The following ERMP1 variants were observed in gnomAD, a reference collection of about 807,000 sequenced individuals.
ERMP1 encodes endoplasmic reticulum metallopeptidase 1.
In ERMP1, 86 loss-of-function variants were observed where a neutral mutation model predicts 92.0. That is an observed-to-expected ratio of 0.93 (90% CI 0.79 to 1.12). The LOEUF is 1.12. Ranked by LOEUF, ERMP1 falls within the 50% of genes most tolerant of loss-of-function variation. ERMP1 has a pLI of 0.00. For missense variants in ERMP1, 1,342 were observed against 1,116.3 expected, an observed-to-expected ratio of 1.20 and a Z score of -2.88; for synonymous variants, 530 against 412.8, an observed-to-expected ratio of 1.28 and a Z score of -3.44.
In ERMP1 at chr9:5,832,953, G is replaced by C; in HGVS notation, c.75C>G (p.Ala25=). 6.4e-7 allele frequency: 1 copy of C among 1,562,344 alleles called. No individual in the cohort carries two copies. The highest frequency in any genetic ancestry group is 1.7e-4 in the Middle Eastern group (1 of 5,952). Residue 25 remains alanine, a synonymous_variant, in exon 1 of 15, where the codon GCC becomes GCG. Transcript: ENST00000339450. ...VGVERREGAA[A]APPPEREARA... ...GGGCCTCCCTCTCCGGCGGTGGCGC[G>C]GCCGCCGCTCCCTCTCGACGCTCTA...
intron 4 of ERMP1, among the ~76,000 whole-genome samples, chr9:5,818,689 G>A (rs896423569): frequency 1.3e-5 from 2 of 151,644 alleles, no homozygotes; most frequent in Non-Finnish European, 2.9e-5. Flanking sequence ...TTCCAGCCTG[G>A]GCAACAAAGC....
intron 6 of ERMP1, among the ~76,000 whole-genome samples, chr9:5,858,647 C>T (rs1003860608): frequency 6.6e-6 from 1 of 152,190 alleles, no homozygotes; most frequent in Non-Finnish European, 1.5e-5. Flanking sequence ...AAGAGAGACT[C>T]AAAAGCTTAA....
intron 4 of ERMP1, among the ~76,000 whole-genome samples, chr9:5,818,487 A>C (rs1829406284): frequency 6.6e-6 from 1 of 152,160 alleles, no homozygotes; most frequent in Non-Finnish European, 1.5e-5. Flanking sequence ...AGGCCAAGGA[A>C]GGAAGACTGC....
In ERMP1 at chr9:5,832,779, C is replaced by T. The variant is rs201192168; in HGVS notation, c.249G>A (p.Ala83=). Residue 83 remains alanine (A), a synonymous_variant, in exon 1 of 15, where the codon GCG becomes GCA. Transcript: ENST00000339450. ...AALGLALYLI[A]LRTLVQLSLQ... ...GCGAGAGCTGCACCAGCGTCCGCAG[C>T]GCGATCAGGTAGAGCGCGAGCCCCA... 3.3e-6 allele frequency: 5 copies of T among 1,500,130 alleles called. No homozygotes were observed. In the South Asian group the frequency reaches 6.2e-5, roughly 19 times the overall value. The allele number at this position is 1,500,130 out of a possible 1,614,324, so 92.9% of individuals were successfully genotyped here. A position where few individuals can be genotyped will look rare whatever the true frequency, so the allele number is the denominator to read the frequency against.
At chr9:5,816,971 T>C (rs531351984) in intron 4 of ERMP1, among the ~76,000 whole-genome samples, 15 of 150,902 alleles carry the variant, frequency 9.9e-5, no homozygotes, top group Non-Finnish European at 2.1e-4. Context: ...CAATCTTGGC[T>C]CACTGCAAGC....
intron 6 of ERMP1, 132 bp downstream of exon 6, chr9:5,811,993 C>A (rs1586797120): frequency 1.7e-6 from 1 of 578,994 alleles, no homozygotes; most frequent in African/African-American, 1.9e-5. Context: ...ATCTCTCCAA[C>A]TCCAAAGCCC....
At chr9:5,798,681 G>C (rs1001359800) in intron 12 of ERMP1, 125 bp downstream of exon 12, 6 of 550,256 alleles carry the variant, frequency 1.1e-5, no homozygotes, top group Admixed American at 3.6e-5. Context: ...CATAATGATA[G>C]AAAAAATAGT....
intron 6 of ERMP1, among the ~76,000 whole-genome samples, chr9:5,841,960 T>C (rs1238687885): frequency 1.3e-5 from 2 of 152,184 alleles, no homozygotes; most frequent in Non-Finnish European, 2.9e-5. Flanking sequence ...AGGTGGCGCA[T>C]CCGGAGTTGT....
intron 1 of ERMP1, 57 bp downstream of exon 1, chr9:5,832,633 C>T: frequency 1.5e-6 from 2 of 1,297,230 alleles, no homozygotes; most frequent in Non-Finnish European, 2.0e-6. Context: ...TGCCCCGGAG[C>T]CTGCGCAGGA....
At chr9:5,807,905 C>T (rs1345597642) in intron 8 of ERMP1, among the ~76,000 whole-genome samples, 1 of 152,154 alleles carries the variant, frequency 6.6e-6, no homozygotes, top group Admixed American at 6.5e-5. Flanking sequence ...TATTATCATT[C>T]CCACACCTTC....
At chr9:5,847,546 G>A (rs932834717) in intron 6 of ERMP1, among the ~76,000 whole-genome samples, 2 of 151,706 alleles carry the variant, frequency 1.3e-5, no homozygotes, top group African/African-American at 4.8e-5. Context: ...CCCCCAGATG[G>A]CTTTTTCACT....
intron 6 of ERMP1, among the ~76,000 whole-genome samples, chr9:5,843,130 T>C (rs1004882540): frequency 1.3e-5 from 2 of 152,206 alleles, no homozygotes; most frequent in African/African-American, 2.4e-5. Context: ...TTTCCTGACA[T>C]GGGCAGATAA....
At chr9:5,826,020 T>C (rs914435121) in intron 2 of ERMP1, among the ~76,000 whole-genome samples, 4 of 152,116 alleles carry the variant, frequency 2.6e-5, no homozygotes, top group African/African-American at 9.7e-5. Context: ...ATTGGTGGTA[T>C]CAAAAAGGGC....
chr9:5,836,876 T>C (rs1241741356), upstream of ERMP1, among the ~76,000 whole-genome samples: 2 of 152,152 alleles, frequency 1.3e-5, no homozygotes, highest in Non-Finnish European at 1.5e-5. Flanking sequence ...TCTACCCCCA[T>C]GAGCTTAACG....
chr9:5,825,031 T>C, intron 3 of ERMP1, 61 bp downstream of exon 3: 1 of 1,500,764 alleles, frequency 6.7e-7, no homozygotes, highest in Non-Finnish European at 9.2e-7. Flanking sequence ...AAATAATATT[T>C]AGCTATTATT....
chr9:5,812,215 T>C lies in ERMP1; in HGVS notation c.1024A>G (p.Ile342Val), dbSNP rs199952799. 6 of 1,569,414 alleles carry C rather than the reference T, an allele frequency of 3.8e-6. No individual in the cohort carries two copies. The African/African-American group carries it at 4.1e-5, about 11-fold the overall frequency. ...CCATTCTCAATAAAAGCTAAGTCTA[T>C]TCCTAAAACATATATATAGAAAAAA... ...IYRDFGNIPG[I>V]DLAFIENGYI... Residue 342 changes from isoleucine to valine, a missense_variant and splice_region_variant, in exon 6 of 15, where the codon ATA (isoleucine) becomes GTA (valine). Physicochemically the swap from Ile to Val is conservative, Grantham distance 29. Coordinates refer to ENST00000339450, the MANE Select transcript of ERMP1 (RefSeq NM_024896.3).
intron 13 of ERMP1, among the ~76,000 whole-genome samples, chr9:5,789,782 T>A (rs975151667): frequency 4.0e-5 from 6 of 151,772 alleles, no homozygotes; most frequent in Non-Finnish European, 8.8e-5. Context: ...TTCCTTGGCT[T>A]GAGCAATCCT....
Position 5,785,439 on chromosome 9 carries a change from G to C in ERMP1, c.*1705C>G, listed in dbSNP as rs1431719440. On this transcript the variant is annotated 3_prime_UTR_variant, in exon 15 of 15. Transcript: ENST00000339450. ...TGACAGATAAAAGTAGCAGGAGCCAGACTCTTGAAGCACTTGAGACTGATT... is the reference window on the plus strand; with the variant it reads ...TGACAGATAAAAGTAGCAGGAGCCACACTCTTGAAGCACTTGAGACTGATT... The C allele has an allele frequency of 6.6e-6, 1 of 152,216 alleles. No homozygotes were observed. The highest frequency in any genetic ancestry group is 2.4e-5 in the African/African-American group (1 of 41,452). The allele number at this position is 152,216 out of a possible 1,614,324, so 9.4% of individuals were successfully genotyped here.
chr9:5,808,676 G>A (rs565938563), intron 8 of ERMP1, among the ~76,000 whole-genome samples: 6 of 152,260 alleles, frequency 3.9e-5, no homozygotes, highest in African/African-American at 1.2e-4. Context: ...TAAACAATCT[G>A]AAACCATGAC....
Sources: gnomAD v4.1 joint callset for allele counts (sites outside exome capture counted in the v4.1 genomes callset) on GRCh38, gnomAD v4.1.1 for gene constraint, MANE v1.5 for transcripts, NCBI Gene and HGNC (gene_info 2026-07-23, HGNC 2026-07-21) for gene names.